The following SCML2 variants were observed in gnomAD, a reference collection of about 807,000 sequenced individuals.
SCML2 encodes sex comb on midleg-like protein 2.
SCML2 carries 6 observed loss-of-function variants against 48.4 expected under a neutral mutation model. The ratio of observed to expected loss-of-function variants is 0.12; its 90% confidence interval spans 0.07 to 0.24. The LOEUF (loss-of-function observed/expected upper bound fraction) is 0.24, where lower values mean the gene tolerates loss of function less well. SCML2 is among the 10% of genes least tolerant of loss of function. The pLI is 1.00. For missense variants in SCML2, 377 were observed against 528.2 expected, an observed-to-expected ratio of 0.71 and a Z score of 2.81; for synonymous variants, 181 against 189.5, an observed-to-expected ratio of 0.95 and a Z score of 0.37.
At chrX:18,248,253 GATATA>G (rs1370637632) in intron 11 of SCML2, among the ~76,000 whole-genome samples, 1 of 111,516 alleles carries the variant, frequency 9.0e-6, no homozygotes, top group Non-Finnish European at 1.9e-5. Flanking sequence ...GAAATTAAAT[GATATA>G]ATATAATGAA....
At chrX:18,242,840 A>C (rs186118142) in intron 13 of SCML2, among the ~76,000 whole-genome samples, 307 of 111,801 alleles carry the variant, frequency 2.7e-3, no homozygotes, top group African/African-American at 9.4e-3. Context: ...CAAAGATCAC[A>C]AAACAGACTA....
chrX:18,306,577 T>A (rs1040646788), intron 6 of SCML2, among the ~76,000 whole-genome samples: 17 of 111,833 alleles, frequency 1.5e-4, no homozygotes, highest in Non-Finnish European at 3.0e-4. Flanking sequence ...TATTATTATT[T>A]CCAGCACAAT....
intron 5 of SCML2, among the ~76,000 whole-genome samples, chrX:18,321,422 G>A (rs919658922): frequency 7.3e-5 from 8 of 109,723 alleles, no homozygotes; most frequent in Admixed American, 4.9e-4. Flanking sequence ...CTTGGTATGC[G>A]CCCCTGATGC....
At chrX:18,350,779 T>C (rs369093298) in intron 1 of SCML2, among the ~76,000 whole-genome samples, 1 of 110,916 alleles carries the variant, frequency 9.0e-6, no homozygotes, top group Non-Finnish European at 1.9e-5. Context: ...TTATAAATGG[T>C]AACCAAAGCC....
chrX:18,260,518 G>C (rs1277175600), intron 8 of SCML2, among the ~76,000 whole-genome samples: 2 of 110,619 alleles, frequency 1.8e-5, no homozygotes, highest in Non-Finnish European at 3.8e-5. Context: ...CAAATGGCTG[G>C]GATTCCCTGT....
At chrX:18,337,391 A>G (rs1602146481) in intron 1 of SCML2, among the ~76,000 whole-genome samples, 1 of 106,849 alleles carries the variant, frequency 9.4e-6, no homozygotes, top group South Asian at 4.2e-4. Flanking sequence ...ATAAAGACAC[A>G]TATAAACTAC....
At chrX:18,340,883 G>A (rs1015633393) in intron 1 of SCML2, among the ~76,000 whole-genome samples, 2 of 108,948 alleles carry the variant, frequency 1.8e-5, no homozygotes, top group African/African-American at 6.7e-5. Flanking sequence ...CTATTTACTA[G>A]ACTCTTAGCA....
At chrX:18,312,978 C>CGTGTGTGT (rs72406000) in intron 6 of SCML2, among the ~76,000 whole-genome samples, 4 of 94,994 alleles carry the variant, frequency 4.2e-5, no homozygotes, top group African/African-American at 7.7e-5. Context: ...AATGGGTGTG[C>CGTGTGTGT]GTGTGTGTGT....
chrX:18,289,780 T>A (rs1297121136), intron 7 of SCML2, among the ~76,000 whole-genome samples: 4 of 111,749 alleles, frequency 3.6e-5, no homozygotes, highest in Non-Finnish European at 7.5e-5. Context: ...GAAGCACAAG[T>A]TACAGATACC....
chrX:18,253,908 T>A (rs1334993736), intron 11 of SCML2, among the ~76,000 whole-genome samples: 1 of 111,465 alleles, frequency 9.0e-6, no homozygotes, highest in Non-Finnish European at 1.9e-5. Context: ...GGCACAAGAG[T>A]AAATGCTGTA....
chrX:18,340,227 G>A (rs928472118), intron 1 of SCML2, among the ~76,000 whole-genome samples: 8 of 110,526 alleles, frequency 7.2e-5, no homozygotes, highest in Admixed American at 3.9e-4. Flanking sequence ...CAGCCTGGGC[G>A]GCACAGTGAA....
intron 11 of SCML2, among the ~76,000 whole-genome samples, chrX:18,248,098 C>T (rs949890135): frequency 9.0e-6 from 1 of 111,547 alleles, no homozygotes; most frequent in African/African-American, 3.3e-5. Flanking sequence ...AAAGCATTTC[C>T]AGAAGGAGCA....
intron 3 of SCML2, among the ~76,000 whole-genome samples, chrX:18,329,090 G>T (rs1397327398): frequency 1.8e-5 from 2 of 111,536 alleles, no homozygotes; most frequent in African/African-American, 6.5e-5. Flanking sequence ...GACTGTGGTG[G>T]TGGTTGCACA....
rs754378339 is a variant in SCML2, at chrX:18,258,017, A to G, written c.1273+27T>C. 2.7e-6 allele frequency: 3 copies of G among 1,115,404 alleles called. No homozygotes were observed. In the South Asian group the frequency reaches 5.5e-5, roughly 20 times the overall value. The allele number at this position is 1,115,404 out of a possible 1,213,427, so 91.9% of individuals were successfully genotyped here. ...GGGAAGGGAAGGGGGAAGGGACTGAATTAGACAATGTATTAGATAAGTATA... is the reference window on the plus strand; with the variant it reads ...GGGAAGGGAAGGGGGAAGGGACTGAGTTAGACAATGTATTAGATAAGTATA... On this transcript the variant is annotated intron_variant, in intron 10 of 14. Transcript: ENST00000251900.
At chrX:18,352,578 A>C (rs1197177440) in intron 1 of SCML2, among the ~76,000 whole-genome samples, 1 of 111,720 alleles carries the variant, frequency 9.0e-6, no homozygotes, top group Non-Finnish European at 1.9e-5. Flanking sequence ...AACTCCCTGA[A>C]ATTTTCAGGA....
At chrX:18,335,150 G>C (rs1015009078) in intron 1 of SCML2, among the ~76,000 whole-genome samples, 5 of 110,720 alleles carry the variant, frequency 4.5e-5, no homozygotes, top group African/African-American at 1.6e-4. Flanking sequence ...AATCCAGGTA[G>C]TAAGTGAAGG....
rs182701490 is a variant in SCML2, at chrX:18,352,177, C to T, written c.-25+2415G>A. Among the ~76,000 whole-genome samples the T allele has an allele frequency of 6.3e-3, 706 of 111,943 alleles. 2 individuals carry two copies. Among genetic ancestry groups the T allele is most frequent in the Non-Finnish European group, 9.7e-3 (515 of 53,246 alleles). On this transcript the variant is annotated intron_variant, in intron 1 of 14. Transcript: ENST00000251900. ...TTGTTATTTCTGAGCTCAGAGATTT[C>T]TGCAACATTTTGAAAAAACAAAGTG...
At chrX:18,334,141 T>C (rs1929738339) in intron 1 of SCML2, 46 bp from the exon 2 acceptor site, 23 of 926,374 alleles carry the variant, frequency 2.5e-5, no homozygotes, top group Non-Finnish European at 3.5e-5. Flanking sequence ...GCATATTAGA[T>C]TTCTGAAGGA....
intron 6 of SCML2, among the ~76,000 whole-genome samples, chrX:18,306,040 T>A (rs1017839111): frequency 9.0e-6 from 1 of 111,340 alleles, no homozygotes; most frequent in African/African-American, 3.3e-5. Context: ...GTAATCCTAT[T>A]CTACTGACAC....
Sources: gnomAD v4.1 joint callset for allele counts (sites outside exome capture counted in the v4.1 genomes callset) on GRCh38, gnomAD v4.1.1 for gene constraint, MANE v1.5 for transcripts, NCBI Gene and HGNC (gene_info 2026-07-23, HGNC 2026-07-21) for gene names.